CUBN: variants seen among roughly 807,000 people sequenced by gnomAD.
The protein encoded by CUBN is cubilin.
CUBN carries 282 observed loss-of-function variants against 405.3 expected under a neutral mutation model. The observed-to-expected ratio is 0.70, with a 90% CI of 0.63 to 0.77. CUBN has a LOEUF of 0.77. CUBN is among the 30% of genes least tolerant of loss of function. The pLI is 0.00. For synonymous variants in CUBN, 1,684 were observed against 1,617.0 expected, an observed-to-expected ratio of 1.04 and a Z score of -0.99; for missense variants, 4,514 against 4,475.2, an observed-to-expected ratio of 1.01 and a Z score of -0.25.
chr10:16,905,710 C>T (rs1467898532), intron 50 of CUBN, among the ~76,000 whole-genome samples: 1 of 152,176 alleles, frequency 6.6e-6, no homozygotes, highest in Admixed American at 6.5e-5. Context: ...TCGTTTTCCT[C>T]AGCTGGGCAC....
At position 17,102,866 on chromosome 10, in the gene CUBN, C is replaced by T. The variant is rs551378416; in HGVS notation, c.1530+259G>A. Among the ~76,000 whole-genome samples the T allele has an allele frequency of 9.9e-5, 15 of 152,094 alleles. 1 individual carries two copies. In the South Asian group the frequency reaches 2.5e-3, roughly 25 times the overall value. ...CTCCTGACCTCAGGTGATGCACCCA[C>T]CTCATCCTCTCAAAGTGCTGGGATT... On this transcript the variant is annotated intron_variant, in intron 13 of 66. Coordinates refer to ENST00000377833, the MANE Select transcript of CUBN (RefSeq NM_001081.4).
chr10:17,053,632 G>T (rs902479910), intron 22 of CUBN, among the ~76,000 whole-genome samples: 1 of 151,954 alleles, frequency 6.6e-6, no homozygotes, highest in Non-Finnish European at 1.5e-5. Context: ...TAGAGTTGAA[G>T]ATTTTAACAC....
intron 31 of CUBN, among the ~76,000 whole-genome samples, chr10:16,970,838 C>G (rs1022775978): frequency 7.2e-5 from 11 of 151,922 alleles, no homozygotes; most frequent in African/African-American, 2.7e-4. Context: ...TTGCACTGCC[C>G]CACCTCCACC....
intron 31 of CUBN, among the ~76,000 whole-genome samples, chr10:16,961,764 T>C (rs1377666496): frequency 2.3e-5 from 3 of 128,396 alleles, no homozygotes; most frequent in African/African-American, 6.1e-5. Flanking sequence ...CAGGCTGGAG[T>C]GCAGTGGCGG....
At chr10:16,857,772 C>T (rs748490185) in intron 59 of CUBN, among the ~76,000 whole-genome samples, 1 of 152,060 alleles carries the variant, frequency 6.6e-6, no homozygotes, top group African/African-American at 2.4e-5. Flanking sequence ...AACAAGGCAA[C>T]GATATTGATT....
chr10:17,068,857 T>A, intron 19 of CUBN, 87 bp from the exon 20 acceptor site: 1 of 1,101,766 alleles, frequency 9.1e-7, no homozygotes. Context: ...ATGTTTTTAA[T>A]GGAGTACAAA....
intron 17 of CUBN, among the ~76,000 whole-genome samples, chr10:17,080,485 A>G (rs1013636857): frequency 6.6e-6 from 1 of 152,192 alleles, no homozygotes; most frequent in Non-Finnish European, 1.5e-5. Context: ...CTAAGAAACA[A>G]CAACTTCTCG....
At chr10:16,916,114 T>C in intron 45 of CUBN, 84 bp from the exon 46 acceptor site, 2 of 1,366,414 alleles carry the variant, frequency 1.5e-6, no homozygotes, top group Admixed American at 3.6e-5. Context: ...GTTTTCTTCA[T>C]TTCACCAGCA....
At chr10:17,000,337 CT>C (rs2131737040) in intron 28 of CUBN, among the ~76,000 whole-genome samples, 1 of 152,242 alleles carries the variant, frequency 6.6e-6, no homozygotes, top group Non-Finnish European at 1.5e-5. Flanking sequence ...CAGAACAGCA[CT>C]TTATAAATGA....
chr10:17,114,146 G>C lies in CUBN; in HGVS notation c.764C>G (p.Pro255Arg), dbSNP rs1317209815. Residue 255 changes from proline (P) to arginine (R), a missense_variant, in exon 8 of 67, where the codon CCC (proline) becomes CGC (arginine). Transcript: ENST00000377833. The stretch of plus-strand genomic sequence containing the variant: ...GTCCAGCGTGCAGGCAGGGCTGTTG[G>C]GTGAAAACATCCACCCAGCATCACA... ...CVCDAGWMFSPNSPACTLDRD... is the reference protein window; with the variant it reads ...CVCDAGWMFSRNSPACTLDRD... 6.2e-7 allele frequency: 1 copy of C among 1,613,824 alleles called. No individual in the cohort carries two copies. Among genetic ancestry groups the C allele is most frequent in the Admixed American group, 1.7e-5 (1 of 59,986 alleles).
intron 39 of CUBN, among the ~76,000 whole-genome samples, chr10:16,936,152 T>C (rs1564433477): frequency 4.6e-5 from 7 of 152,234 alleles, no homozygotes; most frequent in African/African-American, 9.6e-5. Flanking sequence ...ATCATATAAT[T>C]ATGAAATTTC....
chr10:16,845,729 T>A (rs1839489329), intron 60 of CUBN, among the ~76,000 whole-genome samples: 1 of 152,232 alleles, frequency 6.6e-6, no homozygotes, highest in Admixed American at 6.5e-5. Context: ...TACGACCTCA[T>A]GTGGATAGGA....
At chr10:17,095,799 A>T (rs1836360591) in intron 14 of CUBN, among the ~76,000 whole-genome samples, 1 of 152,158 alleles carries the variant, frequency 6.6e-6, no homozygotes, top group African/African-American at 2.4e-5. Flanking sequence ...TTTCATGTTC[A>T]TTGCAGCATT....
chr10:16,867,211 T>A (rs1840212602), intron 59 of CUBN, among the ~76,000 whole-genome samples: 3 of 152,314 alleles, frequency 2.0e-5, no homozygotes, highest in Middle Eastern at 3.4e-3. Flanking sequence ...AAATCCACTA[T>A]CTGGTCCACA....
At chr10:17,058,264 G>T (rs1835435263) in intron 22 of CUBN, among the ~76,000 whole-genome samples, 1 of 152,046 alleles carries the variant, frequency 6.6e-6, no homozygotes, top group Non-Finnish European at 1.5e-5. Flanking sequence ...ACTAATAAAA[G>T]GAACACGAGG....
chr10:16,978,462 C>A (rs1466265114), intron 31 of CUBN, among the ~76,000 whole-genome samples: 1 of 152,206 alleles, frequency 6.6e-6, no homozygotes, highest in Non-Finnish European at 1.5e-5. Flanking sequence ...GCTTAGCCAA[C>A]TTAGACTCTG....
chr10:16,975,850 C>T (rs985477699), intron 31 of CUBN, among the ~76,000 whole-genome samples: 4 of 151,750 alleles, frequency 2.6e-5, no homozygotes, highest in East Asian at 1.9e-4. Context: ...AGGATGGTCT[C>T]GACCTCCTGA....
At chr10:16,907,803 T>G in intron 48 of CUBN, 124 bp from the exon 49 acceptor site, 1 of 960,258 alleles carries the variant, frequency 1.0e-6, no homozygotes, top group Non-Finnish European at 1.6e-6. Context: ...ATGAATGACC[T>G]AACAATGCAG....
chr10:16,908,720 T>C (rs1436116208), intron 48 of CUBN, among the ~76,000 whole-genome samples: 5 of 152,200 alleles, frequency 3.3e-5, no homozygotes, highest in African/African-American at 1.2e-4. Flanking sequence ...AAAATCTAGA[T>C]GAAATAACTG....
Sources: allele counts gnomAD v4.1 joint callset (sites outside exome capture counted in the v4.1 genomes callset), GRCh38; gene constraint gnomAD v4.1.1; transcripts MANE v1.5; gene names NCBI Gene and HGNC (gene_info 2026-07-23, HGNC 2026-07-21).